The following NUBPL variants were observed in gnomAD, a reference collection of about 807,000 sequenced individuals.
NUBPL encodes iron-sulfur cluster transfer protein NUBPL.
Under a neutral mutation model 45.7 loss-of-function variants are expected in NUBPL, and 31 were observed. The observed-to-expected ratio is 0.68, with a 90% CI of 0.51 to 0.92. NUBPL has a LOEUF of 0.92. NUBPL is among the 40% of genes least tolerant of loss of function. The pLI is 0.00. For missense variants in NUBPL, 401 were observed against 398.7 expected (o/e 1.01, Z -0.05); for synonymous variants, 144 against 140.9 (o/e 1.02, Z -0.15).
chr14:31,730,131 T>C (rs1431203983), intron 6 of NUBPL, among the ~76,000 whole-genome samples: 2 of 152,170 alleles, frequency 1.3e-5, no homozygotes, highest in Non-Finnish European at 2.9e-5. Flanking sequence ...AATTTAAAAA[T>C]TGGATAAAAT....
At chr14:31,661,860 A>C (rs763958083) in intron 4 of NUBPL, among the ~76,000 whole-genome samples, 3 of 152,268 alleles carry the variant, frequency 2.0e-5, no homozygotes, top group South Asian at 2.1e-4. Context: ...AATTTTTATA[A>C]TTAAAGCAAA....
At chr14:31,842,756 TATAC>T (rs1478778243) in intron 8 of NUBPL, among the ~76,000 whole-genome samples, 4 of 152,210 alleles carry the variant, frequency 2.6e-5, no homozygotes, top group African/African-American at 9.6e-5. Flanking sequence ...GACTTTCAGT[TATAC>T]ATCCTTATTA....
chr14:31,841,824 T>C (rs2040372701), intron 8 of NUBPL, among the ~76,000 whole-genome samples: 2 of 151,766 alleles, frequency 1.3e-5, no homozygotes, highest in Non-Finnish European at 2.9e-5. Flanking sequence ...GAGGTTAAGA[T>C]TCATTATTTT....
chr14:31,705,212 C>T (rs1048143081), intron 6 of NUBPL, among the ~76,000 whole-genome samples: 3 of 152,238 alleles, frequency 2.0e-5, no homozygotes, highest in African/African-American at 7.2e-5. Context: ...CATGGTCTCA[C>T]TGCCTTCAGG....
rs182021297 is a variant in NUBPL, at chr14:31,745,547, G to A, written c.514-42233G>A. 1.2e-4 allele frequency among the ~76,000 whole-genome samples: 18 copies of A among 152,222 alleles called. No individual in the cohort carries two copies. The East Asian group carries it at 2.1e-3, about 18-fold the overall frequency. On this transcript the variant is annotated intron_variant, in intron 6 of 10. Coordinates refer to ENST00000281081, the MANE Select transcript of NUBPL (RefSeq NM_025152.3). The stretch of plus-strand genomic sequence containing the variant: ...CTGACCTCGTGATCCACCCGCCTTG[G>A]CCTCCCAAAGTGCTGGTGTTGATTT...
intron 4 of NUBPL, among the ~76,000 whole-genome samples, chr14:31,664,722 G>A (rs1329288058): frequency 6.6e-6 from 1 of 152,140 alleles, no homozygotes; most frequent in African/African-American, 2.4e-5. Context: ...TCTTTGCCAG[G>A]TTTTGGTACC....
intron 3 of NUBPL, among the ~76,000 whole-genome samples, chr14:31,597,967 G>C (rs2034326913): frequency 6.6e-6 from 1 of 151,958 alleles, no homozygotes; most frequent in South Asian, 2.1e-4. Flanking sequence ...AGTTAAATTG[G>C]TCAAATTTCT....
intron 3 of NUBPL, among the ~76,000 whole-genome samples, chr14:31,585,405 C>A (rs2033969939): frequency 6.6e-6 from 1 of 152,188 alleles, no homozygotes; most frequent in South Asian, 2.1e-4. Context: ...GAATAATATT[C>A]CATTGTATGG....
At chr14:31,666,837 C>T (rs2036442324) in intron 4 of NUBPL, among the ~76,000 whole-genome samples, 1 of 152,076 alleles carries the variant, frequency 6.6e-6, no homozygotes, top group Non-Finnish European at 1.5e-5. Flanking sequence ...ATATGAAATT[C>T]TGGGTTGAAA....
intron 7 of NUBPL, among the ~76,000 whole-genome samples, chr14:31,806,063 A>G (rs1235722378): frequency 2.0e-5 from 3 of 152,172 alleles, no homozygotes; most frequent in Non-Finnish European, 4.4e-5. Context: ...TTATATGTAG[A>G]AAAAAATACA....
chr14:31,802,264 G>T (rs1422178325), intron 7 of NUBPL, among the ~76,000 whole-genome samples: 2 of 128,570 alleles, frequency 1.6e-5, no homozygotes, highest in African/African-American at 5.7e-5. Flanking sequence ...CGATTTACTT[G>T]CCCTTCTTCT....
At chr14:31,623,806 A>T (rs538706125) in intron 4 of NUBPL, among the ~76,000 whole-genome samples, 1 of 152,166 alleles carries the variant, frequency 6.6e-6, no homozygotes, top group African/African-American at 2.4e-5. Flanking sequence ...AAGTTGCACA[A>T]TGTAAGCTTT....
chr14:31,618,030 C>T (rs1196171798), intron 4 of NUBPL, among the ~76,000 whole-genome samples: 1 of 152,104 alleles, frequency 6.6e-6, no homozygotes, highest in Non-Finnish European at 1.5e-5. Flanking sequence ...GGAATTTATC[C>T]ATTTCTTCTA....
chr14:31,693,430 TCCTCATCCA>T (rs757632505), intron 6 of NUBPL, among the ~76,000 whole-genome samples: 8 of 152,308 alleles, frequency 5.3e-5, no homozygotes, highest in Non-Finnish European at 7.4e-5. Flanking sequence ...TAAGTTACCA[TCCTCATCCA>T]CCTCATCCAA....
intron 10 of NUBPL, among the ~76,000 whole-genome samples, chr14:31,852,690 T>A (rs916061937): frequency 6.6e-6 from 1 of 151,956 alleles, no homozygotes; most frequent in Admixed American, 6.6e-5. Context: ...AATAAAAAAA[T>A]CAGGGTAGCA....
chr14:31,817,380 AT>A (rs1159788177), intron 7 of NUBPL, among the ~76,000 whole-genome samples: 1 of 152,142 alleles, frequency 6.6e-6, no homozygotes, highest in Non-Finnish European at 1.5e-5. Flanking sequence ...TAATTATCAG[AT>A]TCACCAAGGT....
intron 8 of NUBPL, among the ~76,000 whole-genome samples, chr14:31,832,971 T>C (rs1210485238): frequency 6.6e-6 from 1 of 152,232 alleles, no homozygotes; most frequent in Non-Finnish European, 1.5e-5. Context: ...GTTATATAAT[T>C]AATTTTTTCT....
At chr14:31,748,966 T>C (rs1379017197) in intron 6 of NUBPL, among the ~76,000 whole-genome samples, 1 of 152,156 alleles carries the variant, frequency 6.6e-6, no homozygotes, top group Non-Finnish European at 1.5e-5. Context: ...CCCATATCTT[T>C]AAGTCTGTCT....
At chr14:31,690,082 C>T (rs987177490) in intron 6 of NUBPL, among the ~76,000 whole-genome samples, 2 of 140,460 alleles carry the variant, frequency 1.4e-5, no homozygotes, top group Non-Finnish European at 3.2e-5. Flanking sequence ...GTGGAATTGA[C>T]TCATTCTGGA....
Sources: allele counts gnomAD v4.1 joint callset (sites outside exome capture counted in the v4.1 genomes callset), GRCh38; gene constraint gnomAD v4.1.1; transcripts MANE v1.5; gene names NCBI Gene and HGNC (gene_info 2026-07-23, HGNC 2026-07-21).